Variants in MARK3 observed in about 807,000 individuals in gnomAD.
MARK3 encodes MAP/microtubule affinity-regulating kinase 3.
In MARK3, 46 loss-of-function variants were observed where a neutral mutation model predicts 90.1. The observed-to-expected ratio is 0.51, with a 90% CI of 0.40 to 0.65. MARK3 has a LOEUF of 0.65. Ranked by LOEUF, MARK3 falls within the 30% of genes least tolerant of loss-of-function variation. The pLI, the probability that MARK3 is intolerant of heterozygous loss-of-function variation, is 0.00. For synonymous variants in MARK3, 321 were observed against 332.6 expected (o/e 0.97, Z 0.38); for missense variants, 818 against 947.2 (o/e 0.86, Z 1.79).
intron 13 of MARK3, among the ~76,000 whole-genome samples, chr14:103,479,495 C>A (rs560135498): frequency 6.6e-6 from 1 of 152,184 alleles, no homozygotes; most frequent in East Asian, 1.9e-4. Context: ...TTCTTTCTAA[C>A]AATTAATAAT....
At chr14:103,425,960 A>G (rs1255816754) in intron 2 of MARK3, among the ~76,000 whole-genome samples, 1 of 152,248 alleles carries the variant, frequency 6.6e-6, no homozygotes, top group African/African-American at 2.4e-5. Context: ...CAAGTTAAGC[A>G]GGGTTTTTAA....
chr14:103,454,184 G>A (rs2093221825), intron 5 of MARK3, among the ~76,000 whole-genome samples: 1 of 152,140 alleles, frequency 6.6e-6, no homozygotes, highest in Non-Finnish European at 1.5e-5. Context: ...AGGGCTCAGT[G>A]CACTTGGCAA....
chr14:103,423,282 C>T (rs754436922), intron 2 of MARK3, among the ~76,000 whole-genome samples: 31 of 135,520 alleles, frequency 2.3e-4, no homozygotes, highest in Non-Finnish European at 3.8e-4. Flanking sequence ...ATCTTTTGAC[C>T]GTTGGTGAAC....
At chr14:103,427,111 C>G (rs1171893454) in intron 2 of MARK3, among the ~76,000 whole-genome samples, 2 of 150,270 alleles carry the variant, frequency 1.3e-5, no homozygotes, top group African/African-American at 4.9e-5. Flanking sequence ...CTATAAGTAA[C>G]TTAAATATAA....
chr14:103,459,626 A>G (rs1211779912), intron 6 of MARK3, among the ~76,000 whole-genome samples: 1 of 151,628 alleles, frequency 6.6e-6, no homozygotes, highest in Non-Finnish European at 1.5e-5. Flanking sequence ...CAGCCTCCCA[A>G]GTAGCTGGGA....
At chr14:103,480,526 T>C in intron 14 of MARK3, 36 bp downstream of exon 14, 1 of 1,337,654 alleles carries the variant, frequency 7.5e-7, no homozygotes, top group Non-Finnish European at 1.1e-6. Context: ...AAAAGTTGTT[T>C]TTCCCAAGAG....
intron 3 of MARK3, among the ~76,000 whole-genome samples, chr14:103,433,312 C>A (rs539636173): frequency 3.3e-5 from 5 of 151,920 alleles, no homozygotes; most frequent in Non-Finnish European, 7.4e-5. Context: ...TCTCCCAACT[C>A]CTGGCCTCAG....
At chr14:103,482,120 C>G (rs1292459382) in intron 14 of MARK3, among the ~76,000 whole-genome samples, 1 of 151,938 alleles carries the variant, frequency 6.6e-6, no homozygotes, top group Non-Finnish European at 1.5e-5. Flanking sequence ...TAGTTCAGTT[C>G]TTAACTTTCA....
At position 103,475,761 on chromosome 14, in the gene MARK3, A is replaced by T. The variant is rs146773451; in HGVS notation, c.1482+551A>T. ...GGAGTTCAAGACCAGCCTGGCCAAGATGGTGAAACGCCATCTCTACTAAAA... is the reference window on the plus strand; with the variant it reads ...GGAGTTCAAGACCAGCCTGGCCAAGTTGGTGAAACGCCATCTCTACTAAAA... On this transcript the variant is annotated intron_variant, in intron 13 of 17. Transcript: ENST00000429436. Among the ~76,000 whole-genome samples, 408 of 152,250 alleles carry T rather than the reference A, an allele frequency of 2.7e-3. 2 individuals carry two copies. The highest frequency in any genetic ancestry group is 9.4e-3 in the African/African-American group (391 of 41,548).
chr14:103,395,550 C>G (rs1304451957), intron 1 of MARK3, among the ~76,000 whole-genome samples: 4 of 152,282 alleles, frequency 2.6e-5, no homozygotes, highest in East Asian at 1.9e-4. Context: ...CACCCATATC[C>G]TAGGGATTCC....
At chr14:103,475,313 C>T (rs772307076) in intron 13 of MARK3, 103 bp downstream of exon 13, 1 of 903,204 alleles carries the variant, frequency 1.1e-6, no homozygotes, top group South Asian at 1.5e-5. Context: ...ACTGGAATGC[C>T]CTCTCTACTA....
intron 12 of MARK3, among the ~76,000 whole-genome samples, chr14:103,472,188 C>T (rs1223735884): frequency 5.4e-5 from 7 of 129,366 alleles, no homozygotes; most frequent in Non-Finnish European, 1.1e-4. Flanking sequence ...CCAGCCTGGG[C>T]GACAGAGCGA....
intron 14 of MARK3, among the ~76,000 whole-genome samples, chr14:103,481,043 G>A (rs146513769): frequency 1.4e-4 from 21 of 152,304 alleles, no homozygotes; most frequent in East Asian, 1.2e-3. Context: ...TAGGATGAGC[G>A]TGACTTTAAA....
At chr14:103,431,985 C>G (rs538996366) in intron 3 of MARK3, among the ~76,000 whole-genome samples, 3 of 151,954 alleles carry the variant, frequency 2.0e-5, no homozygotes, top group Non-Finnish European at 4.4e-5. Context: ...TTCCCCCCTC[C>G]CACCTGAATT....
chr14:103,399,045 C>G (rs368048783), intron 1 of MARK3, among the ~76,000 whole-genome samples: 16 of 152,226 alleles, frequency 1.1e-4, no homozygotes, highest in East Asian at 3.9e-4. Context: ...GTGGGAGGTA[C>G]GTAAGTAGGC....
chr14:103,390,646 C>A (rs1416517426), intron 1 of MARK3, among the ~76,000 whole-genome samples: 1 of 152,162 alleles, frequency 6.6e-6, no homozygotes, highest in Admixed American at 6.5e-5. Flanking sequence ...TGTGTTGGGT[C>A]ACTTTCAAAG....
At position 103,470,453 on chromosome 14, in the gene MARK3, C is replaced by CTTTTTTTTTTTTTTTTTTTTTTTTTT. The variant is rs1555396272; in HGVS notation, c.1264+2268_1264+2269insTTTTTTTTTTTTTTTTTTTTTTTTTT. 7.5e-4 allele frequency among the ~76,000 whole-genome samples: 18 copies of CTTTTTTTTTTTTTTTTTTTTTTTTTT among 24,148 alleles called. 1 individual carries two copies. Among genetic ancestry groups the CTTTTTTTTTTTTTTTTTTTTTTTTTT allele is most frequent in the South Asian group, 3.4e-3 (1 of 298 alleles). The allele number at this position is 24,148 out of a possible 152,430, so 15.8% of individuals were successfully genotyped here. On this transcript the variant is annotated intron_variant, in intron 12 of 17. Transcript: ENST00000429436. ...CTATTCCAGGATTCAGGAACTAAAT[C>CTTTTTTTTTTTTTTTTTTTTTTTTTT]TATTTTTTTTTTTTTTTTTGAGATG...
intron 2 of MARK3, among the ~76,000 whole-genome samples, chr14:103,415,013 A>T (rs976865155): frequency 6.6e-6 from 1 of 151,788 alleles, no homozygotes; most frequent in Admixed American, 6.6e-5. Flanking sequence ...ATAGCCGGGG[A>T]TGGTGGTGTG....
At position 103,439,334 on chromosome 14, in the gene MARK3, G is replaced by A. The variant is rs532220035; in HGVS notation, c.298-9585G>A. On this transcript the variant is annotated intron_variant, in intron 3 of 17. Coordinates refer to ENST00000429436, the MANE Select transcript of MARK3 (RefSeq NM_001128918.3). ...GTGTTATTATTTTCTTGCTTTGTCC[G>A]TGTAATTTTACCACATATGGATCAC... 5.1e-4 allele frequency among the ~76,000 whole-genome samples: 78 copies of A among 152,198 alleles called. 2 individuals carry two copies. The South Asian group carries it at 0.015, about 29-fold the overall frequency.
Sources: allele counts gnomAD v4.1 joint callset (sites outside exome capture counted in the v4.1 genomes callset), GRCh38; gene constraint gnomAD v4.1.1; transcripts MANE v1.5; gene names NCBI Gene and HGNC (gene_info 2026-07-23, HGNC 2026-07-21).